MGAT5: variants seen among roughly 807,000 people sequenced by gnomAD.
MGAT5 encodes alpha-1,6-mannosylglycoprotein 6-beta-N-acetylglucosaminyltransferase.
MGAT5 carries 30 observed loss-of-function variants against 94.3 expected under a neutral mutation model. That is an observed-to-expected ratio of 0.32 (90% CI 0.24 to 0.43). MGAT5 has a LOEUF of 0.43. MGAT5 is among the 20% of genes least tolerant of loss of function. MGAT5 has a pLI of 1.00. For synonymous variants in MGAT5, 310 were observed against 322.9 expected (o/e 0.96, Z 0.43); for missense variants, 691 against 905.5 (o/e 0.76, Z 3.04).
chr2:134,135,641 G>A (rs866932713), intron 1 of MGAT5, among the ~76,000 whole-genome samples: 4 of 139,742 alleles, frequency 2.9e-5, no homozygotes, highest in Non-Finnish European at 4.5e-5. Flanking sequence ...GCAGTGAGCC[G>A]AGATCGCGCC....
chr2:134,320,077 A>C (rs751765266), intron 4 of MGAT5: 1 of 176,580 alleles, frequency 5.7e-6, no homozygotes, highest in Non-Finnish European at 1.2e-5. Context: ...AGAGGTTGCC[A>C]TCTCAGTCAC....
chr2:134,419,044 T>C (rs1052937899), intron 12 of MGAT5, among the ~76,000 whole-genome samples: 2 of 152,252 alleles, frequency 1.3e-5, no homozygotes, highest in African/African-American at 4.8e-5. Flanking sequence ...TTATCTTTTT[T>C]CCTTAGCAAA....
At chr2:134,400,112 G>A (rs533032100) in intron 10 of MGAT5, among the ~76,000 whole-genome samples, 3 of 152,244 alleles carry the variant, frequency 2.0e-5, no homozygotes, top group Admixed American at 6.5e-5. Context: ...TGACTAATTC[G>A]ACATGTGTGT....
chr2:134,203,897 A>G, intron 1 of MGAT5, among the ~76,000 whole-genome samples: 1 of 152,136 alleles, frequency 6.6e-6, no homozygotes. Flanking sequence ...CACCTGAAAA[A>G]TGTGATGGTA....
At chr2:134,147,211 T>C (rs930194810) in intron 1 of MGAT5, among the ~76,000 whole-genome samples, 4 of 152,212 alleles carry the variant, frequency 2.6e-5, no homozygotes, top group Non-Finnish European at 5.9e-5. Flanking sequence ...ATGTGAGCAT[T>C]AGAATACTGT....
chr2:134,383,117 G>C (rs1267406134), intron 10 of MGAT5, among the ~76,000 whole-genome samples: 1 of 152,198 alleles, frequency 6.6e-6, no homozygotes, highest in Non-Finnish European at 1.5e-5. Flanking sequence ...TGCTCTGCAA[G>C]TATTTTTACA....
intron 10 of MGAT5, among the ~76,000 whole-genome samples, chr2:134,381,356 TAG>T (rs1558841439): frequency 9.1e-4 from 74 of 81,486 alleles, no homozygotes; most frequent in Admixed American, 2.4e-3. Flanking sequence ...GATAGATAGA[TAG>T]ATAGATAGAT....
At chr2:134,304,713 G>A (rs960389791) in intron 2 of MGAT5, among the ~76,000 whole-genome samples, 1 of 152,172 alleles carries the variant, frequency 6.6e-6, no homozygotes, top group African/African-American at 2.4e-5. Flanking sequence ...TAAGGGCCGG[G>A]AGAAGTTCTA....
At chr2:134,217,174 T>C (rs929742181) in intron 1 of MGAT5, among the ~76,000 whole-genome samples, 2 of 151,842 alleles carry the variant, frequency 1.3e-5, no homozygotes, top group Non-Finnish European at 2.9e-5. Context: ...TAACTTACGC[T>C]ATTGCTGGTA....
intron 1 of MGAT5, among the ~76,000 whole-genome samples, chr2:134,144,280 G>A (rs1686802333): frequency 1.3e-5 from 2 of 152,306 alleles, no homozygotes; most frequent in South Asian, 4.1e-4. Flanking sequence ...TTCTGGGGAG[G>A]TACAAGGAAA....
intron 2 of MGAT5, among the ~76,000 whole-genome samples, chr2:134,311,647 G>A (rs1202714692): frequency 1.3e-5 from 2 of 152,174 alleles, no homozygotes; most frequent in East Asian, 3.8e-4. Context: ...AGCATTGGCA[G>A]AAGTGAGATT....
intron 12 of MGAT5, among the ~76,000 whole-genome samples, chr2:134,416,418 T>C (rs1683970279): frequency 6.6e-6 from 1 of 152,108 alleles, no homozygotes; most frequent in Non-Finnish European, 1.5e-5. Context: ...CTCACCAACT[T>C]AGCATGTTTT....
intron 1 of MGAT5, among the ~76,000 whole-genome samples, chr2:134,179,221 AG>A (rs1688618556): frequency 6.8e-6 from 1 of 147,954 alleles, no homozygotes; most frequent in Non-Finnish European, 1.5e-5. Context: ...ATGGCCCCCA[AG>A]CATAGTGCTG....
Position 134,349,864 on chromosome 2 carries a change from A to G in MGAT5, c.1172A>G (p.Tyr391Cys). The G allele has an allele frequency of 6.2e-7, 1 of 1,613,724 alleles. No individual in the cohort carries two copies. The highest frequency in any genetic ancestry group is 8.5e-7 in the Non-Finnish European group (1 of 1,179,714). Residue 391 changes from tyrosine (Y) to cysteine (C), a missense_variant, in exon 9 of 16, where the codon TAT (tyrosine) becomes TGT (cysteine). Physicochemically the swap from Tyr to Cys is radical, Grantham distance 194. Transcript: ENST00000281923. Reference sequence around the variant, plus strand: ...GAACCCGAATTTAATCATGCAAATTATGCCCAATCGAAAGGCCACAAGACC... The same window carrying G: ...GAACCCGAATTTAATCATGCAAATTGTGCCCAATCGAAAGGCCACAAGACC... ...GTEPEFNHAN[Y>C]AQSKGHKTPW... is the part of the protein sequence containing the mutation.
intron 1 of MGAT5, among the ~76,000 whole-genome samples, chr2:134,189,470 T>G (rs1689207559): frequency 6.6e-6 from 1 of 152,094 alleles, no homozygotes; most frequent in South Asian, 2.1e-4. Context: ...GATGGTGGCC[T>G]GGGAAGGGCT....
chr2:134,311,854 T>C (rs1404318262), intron 2 of MGAT5, among the ~76,000 whole-genome samples: 1 of 152,224 alleles, frequency 6.6e-6, no homozygotes, highest in Non-Finnish European at 1.5e-5. Flanking sequence ...GTATAAATAT[T>C]GATCCTAGGC....
At chr2:134,374,339 G>A (rs890777311) in intron 10 of MGAT5, among the ~76,000 whole-genome samples, 1 of 152,172 alleles carries the variant, frequency 6.6e-6, no homozygotes, top group Non-Finnish European at 1.5e-5. Flanking sequence ...GATTTACCCT[G>A]TGGAACCTTC....
chr2:134,169,413 GACACAC>G (rs71660291), intron 1 of MGAT5, among the ~76,000 whole-genome samples: 411 of 126,966 alleles, frequency 3.2e-3, no homozygotes, highest in Non-Finnish European at 5.2e-3. Flanking sequence ...CACACACACA[GACACAC>G]ACACACACAC....
At chr2:134,169,467 A>G (rs1688109001) in intron 1 of MGAT5, among the ~76,000 whole-genome samples, 2 of 151,988 alleles carry the variant, frequency 1.3e-5, no homozygotes, top group African/African-American at 4.8e-5. Context: ...TTGTACTTCC[A>G]TGATATCCAT....
Sources: gnomAD v4.1 joint callset for allele counts (sites outside exome capture counted in the v4.1 genomes callset) on GRCh38, gnomAD v4.1.1 for gene constraint, MANE v1.5 for transcripts, NCBI Gene and HGNC (gene_info 2026-07-23, HGNC 2026-07-21) for gene names.